STRN3: variants seen among roughly 807,000 people sequenced by gnomAD.
STRN3 encodes the protein striatin 3, also known as striatin-3.
Under a neutral mutation model 95.6 loss-of-function variants are expected in STRN3, and 29 were observed. The observed-to-expected ratio is 0.30, with a 90% confidence interval of 0.23 to 0.41. STRN3 has a LOEUF of 0.41. STRN3 is among the 10% of genes least tolerant of loss of function. The pLI, the probability that STRN3 is intolerant of heterozygous loss-of-function variation, is 1.00. For synonymous variants in STRN3, 331 were observed against 357.6 expected, an observed-to-expected ratio of 0.93 and a Z score of 0.84; for missense variants, 890 against 972.1, an observed-to-expected ratio of 0.92 and a Z score of 1.12.
At chr14:30,977,480 AACT>A (rs968166983) in intron 1 of STRN3, among the ~76,000 whole-genome samples, 7 of 151,714 alleles carry the variant, frequency 4.6e-5, no homozygotes, top group African/African-American at 1.7e-4. Flanking sequence ...GAAAGACACA[AACT>A]ACTAATATCA....
intron 1 of STRN3, among the ~76,000 whole-genome samples, chr14:31,012,999 C>T (rs147768621): frequency 6.6e-6 from 1 of 152,074 alleles, no homozygotes; most frequent in Non-Finnish European, 1.5e-5. Context: ...TGGTTCATGC[C>T]TATAATCCCA....
chr14:30,896,990 C>A (rs1157330703), intron 16 of STRN3, among the ~76,000 whole-genome samples: 1 of 152,210 alleles, frequency 6.6e-6, no homozygotes. Flanking sequence ...GCATTATAAA[C>A]TGATTCACTA....
At chr14:30,922,034 G>A (rs942234942) in intron 8 of STRN3, among the ~76,000 whole-genome samples, 4 of 151,842 alleles carry the variant, frequency 2.6e-5, no homozygotes, top group South Asian at 2.1e-4. Context: ...CCACAGGCAC[G>A]TACCATCAAG....
intron 1 of STRN3, among the ~76,000 whole-genome samples, chr14:30,977,510 T>C (rs541997619): frequency 8.6e-5 from 13 of 151,140 alleles, no homozygotes; most frequent in African/African-American, 2.4e-4. Flanking sequence ...AGGCCGGGCA[T>C]GGTGGCTCAA....
chr14:30,960,455 A>C (rs912936452), intron 1 of STRN3, among the ~76,000 whole-genome samples: 1 of 152,256 alleles, frequency 6.6e-6, no homozygotes, highest in Non-Finnish European at 1.5e-5. Flanking sequence ...CAGAAAGTCC[A>C]GAAACAAACT....
chr14:30,924,719 T>C (rs528202057), intron 8 of STRN3, among the ~76,000 whole-genome samples: 75 of 152,254 alleles, frequency 4.9e-4, no homozygotes, highest in Non-Finnish European at 1.0e-3. Flanking sequence ...TAGCCAGGCA[T>C]AGTGGTGCAC....
At chr14:30,993,291 CAGGT>C (rs1438112620) in intron 1 of STRN3, among the ~76,000 whole-genome samples, 1 of 148,170 alleles carries the variant, frequency 6.7e-6, no homozygotes. Flanking sequence ...GAGTAAACTA[CAGGT>C]AGTGCCTGAC....
Position 30,935,101 on chromosome 14 carries a change from TA to T in STRN3, c.988+61del. 8 of 1,580,304 alleles carry T rather than the reference TA, an allele frequency of 5.1e-6. No individual in the cohort carries two copies. The South Asian group carries it at 8.2e-5, about 16-fold the overall frequency. ...ATACACACATTCCACATATAATATTTAATAATAACCCATCATTAAGGGCTAG... is the reference window on the plus strand; with the variant it reads ...ATACACACATTCCACATATAATATTTATAATAACCCATCATTAAGGGCTAG... On this transcript the variant is annotated intron_variant, in intron 7 of 17. Coordinates refer to ENST00000357479, the MANE Select transcript of STRN3 (RefSeq NM_001083893.2).
chr14:30,909,704 C>T (rs749319701), intron 13 of STRN3, among the ~76,000 whole-genome samples: 1 of 152,142 alleles, frequency 6.6e-6, no homozygotes, highest in Non-Finnish European at 1.5e-5. Context: ...TCTTGAACTC[C>T]TGGCCTCAAG....
At chr14:30,993,719 G>A (rs1361596349) in intron 1 of STRN3, among the ~76,000 whole-genome samples, 6 of 151,838 alleles carry the variant, frequency 4.0e-5, no homozygotes, top group South Asian at 2.1e-4. Context: ...CACTCTTGTC[G>A]CCCAGGCTGG....
chr14:30,940,427 A>C (rs527462473), intron 5 of STRN3, among the ~76,000 whole-genome samples: 1 of 152,220 alleles, frequency 6.6e-6, no homozygotes. Context: ...CAAACAATAC[A>C]GTACTTGGCT....
At chr14:30,955,818 A>G in intron 2 of STRN3, 125 bp from the exon 3 acceptor site, 2 of 807,338 alleles carry the variant, frequency 2.5e-6, no homozygotes, top group South Asian at 2.2e-5. Flanking sequence ...TGCAAAGAAC[A>G]TTGAAGACTA....
Position 30,907,024 on chromosome 14 carries a change from T to G in STRN3, c.1741A>C (p.Thr581Pro), listed in dbSNP as rs1246634107. Residue 581 changes from threonine (T) to proline (P), a missense_variant, in exon 14 of 18, where the codon ACT becomes CCT. By Grantham distance (38) the Thr-to-Pro change is conservative. Transcript: ENST00000357479. ...DTYEPNVLAG[T>P]LVGHTDAVWG... is the part of the protein sequence containing the mutation. ...ACTGCATCTGTATGACCAACTAAAG[T>G]GCCAGCTAGAACATTTGGCTCTGGG... is the stretch of plus-strand genomic sequence containing the variant. 5.0e-6 allele frequency: 8 copies of G among 1,612,628 alleles called. No homozygotes were observed. Among genetic ancestry groups the G allele is most frequent in the Non-Finnish European group, 6.8e-6 (8 of 1,179,540 alleles).
At chr14:31,015,449 T>C (rs954430887) in intron 1 of STRN3, among the ~76,000 whole-genome samples, 5 of 151,976 alleles carry the variant, frequency 3.3e-5, no homozygotes, top group African/African-American at 9.7e-5. Context: ...CTAGGCTCAC[T>C]GCAACCTCTG....
chr14:30,938,099 G>A (rs1262058170), intron 5 of STRN3, among the ~76,000 whole-genome samples: 6 of 146,936 alleles, frequency 4.1e-5, no homozygotes, highest in East Asian at 2.0e-4. Flanking sequence ...TTTAATTGTC[G>A]TTTTTTTTTT....
chr14:30,930,695 T>G (rs1878488549), intron 7 of STRN3, among the ~76,000 whole-genome samples: 1 of 152,182 alleles, frequency 6.6e-6, no homozygotes, highest in African/African-American at 2.4e-5. Flanking sequence ...GTAATACAGT[T>G]GTAAAGAGAA....
intron 1 of STRN3, among the ~76,000 whole-genome samples, chr14:31,014,087 TAG>T (rs1258123614): frequency 1.3e-5 from 2 of 151,858 alleles, no homozygotes; most frequent in Non-Finnish European, 2.9e-5. Flanking sequence ...AAATTTCTTG[TAG>T]AGACAGGGTA....
chr14:31,015,544 TG>T (rs1399715760), intron 1 of STRN3, among the ~76,000 whole-genome samples: 1 of 151,944 alleles, frequency 6.6e-6, no homozygotes, highest in East Asian at 1.9e-4. Flanking sequence ...GCTAATTTTT[TG>T]TATTTTTAGT....
intron 16 of STRN3, among the ~76,000 whole-genome samples, chr14:30,896,534 G>A (rs568501102): frequency 1.3e-5 from 2 of 149,930 alleles, no homozygotes; most frequent in South Asian, 4.4e-4. Flanking sequence ...AAGGAAAATG[G>A]GAAGGAAAGA....
Sources: allele counts gnomAD v4.1 joint callset (sites outside exome capture counted in the v4.1 genomes callset), GRCh38; gene constraint gnomAD v4.1.1; transcripts MANE v1.5; gene names NCBI Gene and HGNC (gene_info 2026-07-23, HGNC 2026-07-21).